The following DOCK9 variants were observed in gnomAD, a reference collection of about 807,000 sequenced individuals.
DOCK9 encodes the protein dedicator of cytokinesis 9.
A neutral mutation model predicts 263.3 loss-of-function variants in DOCK9; 89 were observed. That is an observed-to-expected ratio of 0.34 (90% CI 0.28 to 0.40). The LOEUF (loss-of-function observed/expected upper bound fraction) is 0.40. DOCK9 is among the 10% of genes least tolerant of loss of function. DOCK9 has a pLI of 1.00. For synonymous variants in DOCK9, 976 were observed against 973.1 expected (o/e 1.00, Z -0.06); for missense variants, 2,140 against 2,603.4 (o/e 0.82, Z 3.87).
chr13:98,809,543 G>C (rs1288744063), intron 46 of DOCK9, 78 bp from the exon 47 acceptor site: 2 of 1,197,862 alleles, frequency 1.7e-6, no homozygotes, highest in African/African-American at 1.5e-5. Context: ...TGTGATAATG[G>C]AGGTGAAAAG....
intron 52 of DOCK9, 46 bp downstream of exon 52, chr13:98,797,069 C>T (rs1320916675): frequency 1.2e-6 from 2 of 1,611,172 alleles, no homozygotes; most frequent in Non-Finnish European, 1.7e-6. Context: ...GTACTTGAAA[C>T]CCCTAACCAA....
In DOCK9 at chr13:99,050,269, G is replaced by A. The variant is rs1349586206; in HGVS notation, c.129+35954C>T. Among the ~76,000 whole-genome samples the A allele has an allele frequency of 2.6e-5, 4 of 152,054 alleles. No individual in the cohort carries two copies. In the East Asian group the frequency reaches 7.7e-4, roughly 29 times the overall value. The stretch of plus-strand genomic sequence containing the variant: ...ACCTAGAGTTCATTCCATATTTCAG[G>A]CCTGTAGGAGAAAAAAAAAGCAAAA... On this transcript the variant is annotated intron_variant, in intron 1 of 32. Coordinates refer to the DOCK9 transcript ENST00000427887.
chr13:99,047,247 C>T (rs1464295125), intron 1 of DOCK9, among the ~76,000 whole-genome samples: 2 of 152,122 alleles, frequency 1.3e-5, no homozygotes. Context: ...TTTTTTATTT[C>T]CTCAGAAACA....
At chr13:98,979,232 C>T (rs9517521), upstream of DOCK9, among the ~76,000 whole-genome samples, 49,838 of 129,006 alleles carry the variant, frequency 0.39, 9,113 homozygotes, top group East Asian at 0.6. Flanking sequence ...GTAGTAGTAG[C>T]AGCAGCGGCG....
At chr13:98,905,341 G>T (rs1264576888) in intron 9 of DOCK9, among the ~76,000 whole-genome samples, 2 of 152,192 alleles carry the variant, frequency 1.3e-5, no homozygotes, top group Non-Finnish European at 2.9e-5. Context: ...AACACCAGGT[G>T]GGGAGAGAGC....
intron 45 of DOCK9, among the ~76,000 whole-genome samples, chr13:98,815,928 T>C (rs1055744835): frequency 8.5e-5 from 13 of 152,196 alleles, no homozygotes; most frequent in African/African-American, 3.1e-4. Flanking sequence ...ATACCAGTTA[T>C]AGCATAATAA....
At chr13:98,913,455 TAA>T (rs953561581) in intron 9 of DOCK9, among the ~76,000 whole-genome samples, 2 of 152,108 alleles carry the variant, frequency 1.3e-5, no homozygotes, top group African/African-American at 2.4e-5. Flanking sequence ...ACAGCTAAAA[TAA>T]AAAGTCTATA....
intron 6 of DOCK9, among the ~76,000 whole-genome samples, 182 bp from the exon 7 acceptor site, chr13:98,921,270 G>A (rs2051938775): frequency 6.6e-6 from 1 of 152,182 alleles, no homozygotes; most frequent in Non-Finnish European, 1.5e-5. Flanking sequence ...CTGCATCTCA[G>A]TTCTGAGGAG....
intron 1 of DOCK9, among the ~76,000 whole-genome samples, chr13:99,011,510 A>G (rs1056882557): frequency 1.3e-5 from 2 of 152,350 alleles, no homozygotes; most frequent in South Asian, 4.1e-4. Flanking sequence ...GAAAAGCACA[A>G]CCATTCATAT....
chr13:99,040,146 T>C (rs1023014405), intron 1 of DOCK9, among the ~76,000 whole-genome samples: 34 of 152,154 alleles, frequency 2.2e-4, no homozygotes, highest in Admixed American at 2.2e-3. Flanking sequence ...AGTGTTTGCT[T>C]CATCTCTCCC....
At chr13:98,897,122 G>GT (rs201058040) in intron 15 of DOCK9, among the ~76,000 whole-genome samples, 5,645 of 152,226 alleles carry the variant, frequency 0.037, 167 homozygotes, top group South Asian at 0.13. Flanking sequence ...CCCAGTCATC[G>GT]TATCTCTTTG....
At chr13:98,862,203 G>C (rs1445135523) in intron 32 of DOCK9, among the ~76,000 whole-genome samples, 1 of 152,156 alleles carries the variant, frequency 6.6e-6, no homozygotes, top group African/African-American at 2.4e-5. Context: ...CAACTTACCA[G>C]GAGTTGCACT....
At chr13:98,914,722 C>G (rs183161349) in intron 8 of DOCK9, among the ~76,000 whole-genome samples, 7 of 152,260 alleles carry the variant, frequency 4.6e-5, no homozygotes, top group Non-Finnish European at 2.9e-5. Flanking sequence ...CCAACTAAAT[C>G]AGAATCTTTT....
rs1280987059 is a variant in DOCK9, at chr13:99,038,779, G to T, written c.129+47444C>A. Among the ~76,000 whole-genome samples, 4 of 152,180 alleles carry T rather than the reference G, an allele frequency of 2.6e-5. No homozygotes were observed. The South Asian group carries it at 6.2e-4, about 24-fold the overall frequency. ...TGTGCACATGTGTATTCTTTAAAGGGGGATTACGAAAGGGAAGGATAAGTA... is the reference window on the plus strand; with the variant it reads ...TGTGCACATGTGTATTCTTTAAAGGTGGATTACGAAAGGGAAGGATAAGTA... On this transcript the variant is annotated intron_variant, in intron 1 of 32. Coordinates refer to the DOCK9 transcript ENST00000427887.
chr13:98,835,084 T>C (rs979307168), intron 39 of DOCK9, among the ~76,000 whole-genome samples: 1 of 152,248 alleles, frequency 6.6e-6, no homozygotes, highest in African/African-American at 2.4e-5. Context: ...AGGCACTCAA[T>C]ACATAGCAGG....
Position 98,885,072 on chromosome 13 carries a change from G to C in DOCK9, c.2281C>G (p.Leu761Val). 6.2e-7 allele frequency: 1 copy of C among 1,613,652 alleles called. No homozygotes were observed. Among genetic ancestry groups the C allele is most frequent in the Non-Finnish European group, 8.5e-7 (1 of 1,179,784 alleles). ...GTCACCACCCTTCCGTCTTTCAGGAGGGGAAGCCAGGAGTAGCCAACTGTT... is the reference window on the plus strand; with the variant it reads ...GTCACCACCCTTCCGTCTTTCAGGACGGGAAGCCAGGAGTAGCCAACTGTT... Reference protein sequence around the residue: ...ETQVGYSWLPLLKDGRVVTSE... With the variant: ...ETQVGYSWLPVLKDGRVVTSE... The change falls in exon 21 of 53, where the codon CTC (leucine) becomes GTC (valine). Residue 761 changes from leucine (L) to valine (V), a missense_variant. By Grantham distance (32) the Leu-to-Val change is conservative. Coordinates refer to ENST00000682017, the MANE Select transcript of DOCK9 (RefSeq NM_001366683.2).
intron 1 of DOCK9, among the ~76,000 whole-genome samples, chr13:98,964,593 G>A (rs1384145277): frequency 6.6e-6 from 1 of 152,216 alleles, no homozygotes; most frequent in East Asian, 1.9e-4. Context: ...CTCTTCCAGT[G>A]CCTTGAAAGG....
chr13:98,949,774 C>A, intron 2 of DOCK9: 1 of 435,998 alleles, frequency 2.3e-6, no homozygotes, highest in Non-Finnish European at 4.5e-6. Context: ...GAGGCCATCT[C>A]CTTGAGGAAG....
chr13:99,012,300 G>A (rs1328037745), intron 1 of DOCK9, among the ~76,000 whole-genome samples: 2 of 152,166 alleles, frequency 1.3e-5, no homozygotes, highest in African/African-American at 2.4e-5. Context: ...ATTCCACTGA[G>A]GACAAACTAG....
Sources: allele counts gnomAD v4.1 joint callset (sites outside exome capture counted in the v4.1 genomes callset), GRCh38; gene constraint gnomAD v4.1.1; transcripts MANE v1.5; gene names NCBI Gene and HGNC (gene_info 2026-07-23, HGNC 2026-07-21).